The following FOXP2 variants were observed in gnomAD, a reference collection of about 807,000 sequenced individuals.
FOXP2 encodes the protein forkhead box P2, also known as forkhead box protein P2.
A neutral mutation model predicts 115.8 loss-of-function variants in FOXP2; 12 were observed. The observed-to-expected ratio is 0.10, with a 90% confidence interval of 0.07 to 0.17. The LOEUF is 0.17. FOXP2 is among the 10% of genes least tolerant of loss of function. The pLI, the probability that FOXP2 is intolerant of heterozygous loss-of-function variation, is 1.00. For missense variants in FOXP2, 629 were observed against 843.5 expected, an observed-to-expected ratio of 0.75 and a Z score of 3.15; for synonymous variants, 328 against 297.7, an observed-to-expected ratio of 1.10 and a Z score of -1.05.
At chr7:114,566,341 C>T (rs1021104595) in intron 3 of FOXP2, among the ~76,000 whole-genome samples, 1 of 152,006 alleles carries the variant, frequency 6.6e-6, no homozygotes, top group African/African-American at 2.4e-5. Context: ...AATTTGACCC[C>T]CAGTGTTGGA....
At chr7:114,256,760 AG>A (rs1473229609) in intron 1 of FOXP2, among the ~76,000 whole-genome samples, 2 of 152,178 alleles carry the variant, frequency 1.3e-5, no homozygotes, top group Non-Finnish European at 2.9e-5. Context: ...GACCTCTTCA[AG>A]GGGAACTATA....
chr7:114,222,714 T>C (rs1384486267), intron 1 of FOXP2, among the ~76,000 whole-genome samples: 2 of 152,184 alleles, frequency 1.3e-5, no homozygotes, highest in African/African-American at 4.8e-5. Context: ...CATGAGCGTA[T>C]TTTAAGGTAA....
chr7:114,382,065 G>A (rs937433979), intron 2 of FOXP2, among the ~76,000 whole-genome samples: 1 of 152,080 alleles, frequency 6.6e-6, no homozygotes, highest in South Asian at 2.1e-4. Flanking sequence ...AAGAGAGTGG[G>A]GCTTTCAGGC....
intron 16 of FOXP2, among the ~76,000 whole-genome samples, chr7:114,686,873 A>G (rs1433338692): frequency 6.6e-6 from 1 of 152,144 alleles, no homozygotes; most frequent in African/African-American, 2.4e-5. Context: ...CACTTCTGGA[A>G]TAATGTCAAT....
intron 16 of FOXP2, among the ~76,000 whole-genome samples, chr7:114,675,064 T>C (rs191501235): frequency 2.7e-4 from 41 of 152,212 alleles, no homozygotes; most frequent in African/African-American, 9.9e-4. Context: ...AGAAACAAAA[T>C]ATTACTCTAA....
At chr7:114,676,075 A>ATTTTTTTTTTTTTTTTTTTTT (rs11327459) in intron 16 of FOXP2, among the ~76,000 whole-genome samples, 1 of 89,564 alleles carries the variant, frequency 1.1e-5, no homozygotes, top group African/African-American at 4.9e-5. Context: ...AGGCCCGGCT[A>ATTTTTTTTTTTTTTTTTTTTT]TTTTTTTTTT....
chr7:114,394,155 CA>C (rs1470212004), intron 2 of FOXP2, among the ~76,000 whole-genome samples: 2 of 151,954 alleles, frequency 1.3e-5, no homozygotes, highest in Non-Finnish European at 2.9e-5. Context: ...GGCTTGATTG[CA>C]TAACTGGGAC....
At chr7:114,254,640 C>T (rs1083150) in intron 1 of FOXP2, among the ~76,000 whole-genome samples, 1 of 151,822 alleles carries the variant, frequency 6.6e-6, no homozygotes, top group African/African-American at 2.4e-5. Flanking sequence ...GTTTTCAGCT[C>T]CATCAGTTCA....
At chr7:114,144,796 T>C (rs1369378595) in intron 1 of FOXP2, among the ~76,000 whole-genome samples, 1 of 152,088 alleles carries the variant, frequency 6.6e-6, no homozygotes, top group Non-Finnish European at 1.5e-5. Context: ...AGCAAAATAT[T>C]AGGTTATTTA....
At chr7:114,509,639 G>A (rs937258419) in intron 2 of FOXP2, among the ~76,000 whole-genome samples, 1 of 142,268 alleles carries the variant, frequency 7.0e-6, no homozygotes, top group African/African-American at 2.7e-5. Context: ...GAGCAGAAGG[G>A]TACTTGTTTG....
intron 1 of FOXP2, among the ~76,000 whole-genome samples, chr7:114,097,254 C>A (rs375757901): frequency 1.2e-4 from 18 of 152,228 alleles, no homozygotes; most frequent in African/African-American, 4.1e-4. Flanking sequence ...GTTGTATAAT[C>A]CTTCAGATTT....
At chr7:114,299,649 A>T (rs1411299631) in intron 2 of FOXP2, among the ~76,000 whole-genome samples, 1 of 151,984 alleles carries the variant, frequency 6.6e-6, no homozygotes, top group Non-Finnish European at 1.5e-5. Flanking sequence ...TTTGATTTAG[A>T]ATTTTTGTCA....
chr7:114,223,693 T>G (rs1047147085), intron 1 of FOXP2, among the ~76,000 whole-genome samples: 4 of 151,170 alleles, frequency 2.6e-5, no homozygotes, highest in Non-Finnish European at 4.4e-5. Context: ...TAGGCTAGTC[T>G]CAAAACTTCT....
chr7:114,177,325 TG>T (rs1000001435), intron 1 of FOXP2, among the ~76,000 whole-genome samples: 27 of 152,298 alleles, frequency 1.8e-4, no homozygotes, highest in African/African-American at 5.8e-4. Flanking sequence ...CTAGAGCAGT[TG>T]TTCCAGTTTA....
intron 3 of FOXP2, among the ~76,000 whole-genome samples, chr7:114,598,524 TC>T (rs1351741673): frequency 6.6e-6 from 1 of 152,084 alleles, no homozygotes; most frequent in Non-Finnish European, 1.5e-5. Flanking sequence ...GATTTTTTTT[TC>T]TATGTTATTT....
At chr7:114,362,207 G>A (rs912405678) in intron 2 of FOXP2, among the ~76,000 whole-genome samples, 4 of 151,934 alleles carry the variant, frequency 2.6e-5, no homozygotes, top group East Asian at 1.9e-4. Flanking sequence ...GACAGCAAAC[G>A]TAAGACTGAT....
chr7:114,393,634 G>C (rs1277858143), intron 2 of FOXP2, among the ~76,000 whole-genome samples: 3 of 152,068 alleles, frequency 2.0e-5, no homozygotes, highest in African/African-American at 7.2e-5. Context: ...GATACAGAGT[G>C]TCAGAGCCTC....
chr7:114,664,789 G>C lies in FOXP2; in HGVS notation c.2003+353G>C, dbSNP rs571794803. On this transcript the variant is annotated intron_variant, in intron 16 of 16. Coordinates refer to ENST00000350908, the MANE Select transcript of FOXP2 (RefSeq NM_014491.4). Reference sequence around the variant, plus strand: ...AAGAATATTCATGATGGAATAAGTTGTTATAATTTTTACTACTGTTACAGG... The same window carrying C: ...AAGAATATTCATGATGGAATAAGTTCTTATAATTTTTACTACTGTTACAGG... 6 of 279,860 alleles carry C rather than the reference G, an allele frequency of 2.1e-5. No individual in the cohort carries two copies. In the South Asian group the frequency reaches 2.4e-4, roughly 11 times the overall value. 17.3% of individuals were successfully genotyped at this position (279,860 alleles called of 1,614,324 possible). A position where few individuals can be genotyped will look rare whatever the true frequency, so the allele number is the denominator to read the frequency against.
intron 1 of FOXP2, among the ~76,000 whole-genome samples, chr7:114,268,728 G>GTA (rs1795963887): frequency 2.0e-5 from 3 of 148,058 alleles, no homozygotes; most frequent in Admixed American, 2.0e-4. Flanking sequence ...GTGTGTGTGT[G>GTA]TGTATGTGTG....
Sources: gnomAD v4.1 joint callset for allele counts (sites outside exome capture counted in the v4.1 genomes callset) on GRCh38, gnomAD v4.1.1 for gene constraint, MANE v1.5 for transcripts, NCBI Gene and HGNC (gene_info 2026-07-23, HGNC 2026-07-21) for gene names.